Variants in GPR137C observed in about 807,000 individuals in gnomAD.
GPR137C encodes integral membrane protein GPR137C.
Under a neutral mutation model 43.4 loss-of-function variants are expected in GPR137C, and 27 were observed. That is an observed-to-expected ratio of 0.62 (90% CI 0.46 to 0.86). GPR137C has a LOEUF of 0.86. Among genes scored for constraint, GPR137C ranks in the 40% least tolerant of loss-of-function variants. GPR137C has a pLI of 0.00. For synonymous variants in GPR137C, 285 were observed against 226.9 expected, an observed-to-expected ratio of 1.26 and a Z score of -2.30; for missense variants, 522 against 534.6, an observed-to-expected ratio of 0.98 and a Z score of 0.23.
chr14:52,595,751 A>G (rs564947625), intron 1 of GPR137C, among the ~76,000 whole-genome samples: 2 of 152,046 alleles, frequency 1.3e-5, no homozygotes, highest in Non-Finnish European at 2.9e-5. Flanking sequence ...GCTTTCTTGC[A>G]TTGGGTTAGA....
chr14:52,611,056 C>G (rs2039033625), intron 3 of GPR137C, among the ~76,000 whole-genome samples: 1 of 152,148 alleles, frequency 6.6e-6, no homozygotes, highest in African/African-American at 2.4e-5. Context: ...AAGAATAAAT[C>G]ATTTTATAAT....
chr14:52,568,523 C>T (rs1393155293), intron 1 of GPR137C, among the ~76,000 whole-genome samples: 2 of 152,188 alleles, frequency 1.3e-5, no homozygotes, highest in African/African-American at 4.8e-5. Flanking sequence ...GATCCCACTC[C>T]CATGGAGCCC....
intron 1 of GPR137C, among the ~76,000 whole-genome samples, chr14:52,569,660 G>A (rs935598188): frequency 6.6e-6 from 1 of 151,780 alleles, no homozygotes; most frequent in African/African-American, 2.4e-5. Flanking sequence ...AGTATCAATA[G>A]TCAAATCTAT....
At chr14:52,634,560 TA>T (rs2039330802) in intron 6 of GPR137C, among the ~76,000 whole-genome samples, 1 of 152,118 alleles carries the variant, frequency 6.6e-6, no homozygotes, top group Non-Finnish European at 1.5e-5. Flanking sequence ...ACAGGGATAA[TA>T]GAACCTATTT....
chr14:52,632,388 G>GTAAGTCAAACACT, intron 4 of GPR137C, 79 bp downstream of exon 4: 3 of 1,005,316 alleles, frequency 3.0e-6, no homozygotes, highest in Non-Finnish European at 4.4e-6. Flanking sequence ...TGTAGTGTTT[G>GTAAGTCAAACACT]ACTTACAAAC....
chr14:52,556,130 T>G (rs1455844808), intron 1 of GPR137C, among the ~76,000 whole-genome samples: 1 of 152,160 alleles, frequency 6.6e-6, no homozygotes, highest in Non-Finnish European at 1.5e-5. Context: ...ATAACTTTTT[T>G]GAATAGTCGT....
rs750413194 is a variant in GPR137C, at chr14:52,598,326, T to C, written c.488+11T>C. On this transcript the variant is annotated intron_variant, in intron 2 of 6. Transcript: ENST00000321662. ...ACTTGACAGACACAAGTAAGTTTTA[T>C]GAGTATCTAAATTTCTATCTAAAAG... 21 of 1,208,610 alleles carry C rather than the reference T, an allele frequency of 1.7e-5. No homozygotes were observed. The highest frequency in any genetic ancestry group is 2.5e-5 in the Non-Finnish European group (21 of 854,644). The allele number at this position is 1,208,610 out of a possible 1,614,324, so 74.9% of individuals were successfully genotyped here. A position where few individuals can be genotyped will look rare whatever the true frequency, so the allele number is the denominator to read the frequency against.
At chr14:52,633,223 AG>A (rs1674938365) in intron 4 of GPR137C, among the ~76,000 whole-genome samples, 1 of 152,136 alleles carries the variant, frequency 6.6e-6, no homozygotes, top group South Asian at 2.1e-4. Flanking sequence ...TGTCTTTAAA[AG>A]TCACTCTCTT....
intron 3 of GPR137C, among the ~76,000 whole-genome samples, chr14:52,614,804 A>G (rs1479217893): frequency 1.3e-5 from 2 of 152,168 alleles, no homozygotes; most frequent in Non-Finnish European, 2.9e-5. Flanking sequence ...TTTAAATCAG[A>G]TTATTAAATT....
intron 1 of GPR137C, among the ~76,000 whole-genome samples, chr14:52,582,516 G>A (rs556084510): frequency 1.2e-4 from 18 of 152,292 alleles, no homozygotes; most frequent in African/African-American, 3.4e-4. Context: ...ATATCTGGCC[G>A]GGCATGGTGG....
At chr14:52,622,355 T>C (rs1045072460) in intron 3 of GPR137C, among the ~76,000 whole-genome samples, 2 of 152,044 alleles carry the variant, frequency 1.3e-5, no homozygotes, top group Admixed American at 6.5e-5. Flanking sequence ...AAAAGAATGG[T>C]CCTAGATCTT....
chr14:52,577,504 G>A (rs1042574478), intron 1 of GPR137C, among the ~76,000 whole-genome samples: 8 of 112,346 alleles, frequency 7.1e-5, no homozygotes, highest in South Asian at 3.4e-4. Context: ...ACATGCACGC[G>A]TGCGCGCGCG....
At position 52,635,851 on chromosome 14, in the gene GPR137C, T is replaced by A. The variant is rs2039347472; in HGVS notation, c.*736T>A. On this transcript the variant is annotated 3_prime_UTR_variant, in exon 7 of 7. Transcript: ENST00000321662. ...TGTAATTGAGATATATGTAGTAGTTTAAGCATGATTCTTGAAGAAAGCAAT... is the reference window on the plus strand; with the variant it reads ...TGTAATTGAGATATATGTAGTAGTTAAAGCATGATTCTTGAAGAAAGCAAT... 1 of 152,150 alleles carries A rather than the reference T, an allele frequency of 6.6e-6. No homozygotes were observed. Among genetic ancestry groups the A allele is most frequent in the South Asian group, 2.1e-4 (1 of 4,828 alleles). The allele number at this position is 152,150 out of a possible 1,614,324, so 9.4% of individuals were successfully genotyped here. A position where few individuals can be genotyped will look rare whatever the true frequency, so the allele number is the denominator to read the frequency against.
At chr14:52,607,773 G>A (rs993511303) in intron 3 of GPR137C, among the ~76,000 whole-genome samples, 2 of 152,082 alleles carry the variant, frequency 1.3e-5, no homozygotes, top group African/African-American at 4.8e-5. Context: ...TGCTTGGGAG[G>A]CTGAGGCACA....
At chr14:52,567,716 G>T (rs957373603) in intron 1 of GPR137C, among the ~76,000 whole-genome samples, 3 of 146,350 alleles carry the variant, frequency 2.0e-5, no homozygotes, top group African/African-American at 7.6e-5. Context: ...CTCTTGTGCA[G>T]TGGCGTGATC....
At chr14:52,575,322 G>C (rs10146745) in intron 1 of GPR137C, among the ~76,000 whole-genome samples, 115 of 152,262 alleles carry the variant, frequency 7.6e-4, no homozygotes, top group African/African-American at 2.5e-3. Flanking sequence ...TTGAGCCCAG[G>C]AGGCCGAGGC....
intron 3 of GPR137C, among the ~76,000 whole-genome samples, chr14:52,627,518 A>C (rs1450657392): frequency 1.3e-5 from 2 of 152,030 alleles, no homozygotes; most frequent in African/African-American, 4.8e-5. Context: ...TTGATTCCAA[A>C]ATTTGCACGA....
At chr14:52,630,189 C>T (rs190097809) in intron 3 of GPR137C, among the ~76,000 whole-genome samples, 5 of 152,012 alleles carry the variant, frequency 3.3e-5, no homozygotes, top group South Asian at 2.1e-4. Flanking sequence ...TGTATTAATT[C>T]GGCATTATTG....
rs564795443 is a variant in GPR137C at position 52,579,096 on chromosome 14, C to T, written c.445-19176C>T. Among the ~76,000 whole-genome samples, 3 of 152,090 alleles carry T rather than the reference C, an allele frequency of 2.0e-5. No homozygotes were observed. In the South Asian group the frequency reaches 6.2e-4, roughly 32 times the overall value. On this transcript the variant is annotated intron_variant, in intron 1 of 6. Transcript: ENST00000321662. The stretch of plus-strand genomic sequence containing the variant: ...TTCTTCTTGGGCTGCTAAGATTCCT[C>T]AGAGAAAAAAAAATATTCTAATCTT...
Sources: gnomAD v4.1 joint callset for allele counts (sites outside exome capture counted in the v4.1 genomes callset) on GRCh38, gnomAD v4.1.1 for gene constraint, MANE v1.5 for transcripts, NCBI Gene and HGNC (gene_info 2026-07-23, HGNC 2026-07-21) for gene names.